PTPRG: variants seen among roughly 807,000 people sequenced by gnomAD.
PTPRG encodes the protein receptor-type tyrosine-protein phosphatase gamma.
Under a neutral mutation model 165.3 loss-of-function variants are expected in PTPRG, and 102 were observed. The ratio of observed to expected loss-of-function variants is 0.62; its 90% CI spans 0.53 to 0.73. The LOEUF is 0.73. Among genes scored for constraint, PTPRG ranks in the 30% least tolerant of loss-of-function variants. The probability of loss-of-function intolerance (pLI) is 0.00; values close to 1 mark genes in which losing one functional copy is unlikely to be tolerated. For synonymous variants in PTPRG, 675 were observed against 669.5 expected, an observed-to-expected ratio of 1.01 and a Z score of -0.13; for missense variants, 1,866 against 1,861.4, an observed-to-expected ratio of 1.00 and a Z score of -0.05.
At chr3:61,881,843 C>A (rs975124328) in intron 2 of PTPRG, among the ~76,000 whole-genome samples, 7 of 152,178 alleles carry the variant, frequency 4.6e-5, no homozygotes, top group Non-Finnish European at 7.4e-5. Flanking sequence ...CTCTGATATA[C>A]TTTGTAGATC....
At chr3:61,977,538 A>G (rs6804399) in intron 2 of PTPRG, among the ~76,000 whole-genome samples, 70,263 of 151,758 alleles carry the variant, frequency 0.46, 17,067 homozygotes, top group African/African-American at 0.63. Context: ...TTTGATTTGT[A>G]TTTATTTTTT....
chr3:61,742,624 A>C (rs1187515289), intron 1 of PTPRG: 1 of 1,603,590 alleles, frequency 6.2e-7, no homozygotes, highest in Non-Finnish European at 8.5e-7. Flanking sequence ...CAGACATAAC[A>C]CCTTCTTCAT....
intron 1 of PTPRG, among the ~76,000 whole-genome samples, chr3:61,727,304 C>T (rs950410410): frequency 2.0e-5 from 3 of 151,514 alleles, no homozygotes; most frequent in Non-Finnish European, 2.9e-5. Context: ...TAGATGCTTG[C>T]CACCACACCC....
At chr3:61,888,706 C>T (rs1276824489) in intron 2 of PTPRG, among the ~76,000 whole-genome samples, 1 of 152,160 alleles carries the variant, frequency 6.6e-6, no homozygotes, top group Non-Finnish European at 1.5e-5. Flanking sequence ...TGATTTTATT[C>T]TCTCAATCCT....
At chr3:61,812,504 C>T (rs181470939) in intron 2 of PTPRG, among the ~76,000 whole-genome samples, 2 of 152,258 alleles carry the variant, frequency 1.3e-5, no homozygotes, top group Admixed American at 1.3e-4. Flanking sequence ...CCTAAGTTTC[C>T]ACATACTGCC....
intron 4 of PTPRG, among the ~76,000 whole-genome samples, chr3:62,066,361 C>T (rs542871707): frequency 6.6e-6 from 1 of 152,258 alleles, no homozygotes; most frequent in East Asian, 1.9e-4. Context: ...TTATTTGTGG[C>T]TGAGTGTTGC....
chr3:61,990,400 C>A (rs1392284079), intron 3 of PTPRG, among the ~76,000 whole-genome samples: 2 of 152,214 alleles, frequency 1.3e-5, no homozygotes, highest in African/African-American at 4.8e-5. Flanking sequence ...TACAGATGAA[C>A]TGTCTCATCC....
chr3:61,611,021 G>A (rs959854665), intron 1 of PTPRG, among the ~76,000 whole-genome samples: 1 of 152,110 alleles, frequency 6.6e-6, no homozygotes, highest in African/African-American at 2.4e-5. Context: ...TGTTGGCCAG[G>A]CTGGTCCTGA....
intron 2 of PTPRG, among the ~76,000 whole-genome samples, chr3:61,914,059 C>T (rs2038870725): frequency 6.6e-6 from 1 of 152,176 alleles, no homozygotes; most frequent in African/African-American, 2.4e-5. Context: ...CACAAAGGCT[C>T]TGGTTTATGT....
chr3:62,003,203 C>T (rs1036619241), intron 3 of PTPRG, 146 bp from the exon 4 acceptor site: 17 of 851,570 alleles, frequency 2.0e-5, no homozygotes, highest in Admixed American at 6.2e-5. Flanking sequence ...TTTATTCAGG[C>T]GGGTGTGTTC....
rs541474377 is a variant in PTPRG at position 61,883,212 on chromosome 3, A to G, written c.191-106413A>G. 1.5e-4 allele frequency among the ~76,000 whole-genome samples: 23 copies of G among 152,316 alleles called. No individual in the cohort carries two copies. In the South Asian group the frequency reaches 1.9e-3, roughly 12 times the overall value. ...AATGTAACTTGAAGAAGCTTAGAAT[A>G]ATGATGAAAAAATTATTTGCTGAAC... On this transcript the variant is annotated intron_variant, in intron 2 of 29. Transcript: ENST00000474889.
At chr3:61,618,646 A>G (rs1701366679) in intron 1 of PTPRG, among the ~76,000 whole-genome samples, 1 of 152,222 alleles carries the variant, frequency 6.6e-6, no homozygotes, top group African/African-American at 2.4e-5. Context: ...GTCACAGCAT[A>G]TCCATCTTCT....
chr3:62,274,779 C>A (rs1437453690), intron 23 of PTPRG, among the ~76,000 whole-genome samples: 1 of 152,122 alleles, frequency 6.6e-6, no homozygotes, highest in Non-Finnish European at 1.5e-5. Context: ...TCCCCATTAA[C>A]ATTCTACTAT....
At chr3:61,661,093 G>C (rs755409115) in intron 1 of PTPRG, among the ~76,000 whole-genome samples, 4 of 151,326 alleles carry the variant, frequency 2.6e-5, no homozygotes, top group East Asian at 1.9e-4. Context: ...TTCTTTAAGA[G>C]ACAAGAGTCT....
intron 3 of PTPRG, among the ~76,000 whole-genome samples, chr3:61,992,268 T>C (rs1310101581): frequency 6.6e-6 from 1 of 152,222 alleles, no homozygotes; most frequent in Non-Finnish European, 1.5e-5. Flanking sequence ...TTTAATCTCT[T>C]GAAAGAGTTT....
chr3:61,684,873 G>A (rs1164632868), intron 1 of PTPRG, among the ~76,000 whole-genome samples: 1 of 152,150 alleles, frequency 6.6e-6, no homozygotes, highest in East Asian at 1.9e-4. Context: ...ATATGGGGTG[G>A]TGAAGATGAT....
chr3:61,699,070 A>C (rs971048081), intron 1 of PTPRG, among the ~76,000 whole-genome samples: 1 of 152,106 alleles, frequency 6.6e-6, no homozygotes, highest in Non-Finnish European at 1.5e-5. Context: ...ACCTAATGTT[A>C]AATCACGAGT....
At chr3:62,196,273 A>ATCCCAGCTAC (rs1426329653) in intron 10 of PTPRG, among the ~76,000 whole-genome samples, 1 of 151,432 alleles carries the variant, frequency 6.6e-6, no homozygotes, top group Non-Finnish European at 1.5e-5. Context: ...CGTGCCTGTA[A>ATCCCAGCTAC]TCCCAGCTAC....
intron 1 of PTPRG, among the ~76,000 whole-genome samples, chr3:61,578,947 G>T (rs1700223884): frequency 6.6e-6 from 1 of 152,178 alleles, no homozygotes; most frequent in Admixed American, 6.5e-5. Flanking sequence ...TTTTACGAGG[G>T]ATAAACAAGG....
Sources: gnomAD v4.1 joint callset for allele counts (sites outside exome capture counted in the v4.1 genomes callset) on GRCh38, gnomAD v4.1.1 for gene constraint, MANE v1.5 for transcripts, NCBI Gene and HGNC (gene_info 2026-07-23, HGNC 2026-07-21) for gene names.